The following CC2D2A variants were observed in gnomAD, a reference collection of about 807,000 sequenced individuals.
The protein encoded by CC2D2A is coiled-coil and C2 domain containing 2A, also known as coiled-coil and C2 domain-containing protein 2A.
In CC2D2A, 155 loss-of-function variants were observed where a neutral mutation model predicts 212.9. That is an observed-to-expected ratio of 0.73 (90% CI 0.64 to 0.83). The LOEUF (loss-of-function observed/expected upper bound fraction) is 0.83, where lower values mean the gene tolerates loss of function less well. CC2D2A is among the 40% of genes least tolerant of loss of function. The pLI is 0.00. For synonymous variants in CC2D2A, 667 were observed against 686.5 expected, an observed-to-expected ratio of 0.97 and a Z score of 0.44; for missense variants, 1,856 against 1,956.2, an observed-to-expected ratio of 0.95 and a Z score of 0.97.
chr4:15,508,048 C>T (rs554047955), intron 6 of CC2D2A, among the ~76,000 whole-genome samples: 1 of 152,178 alleles, frequency 6.6e-6, no homozygotes, highest in Non-Finnish European at 1.5e-5. Context: ...GAGGCTTCTT[C>T]TTCAGTTCAG....
chr4:15,514,950 G>T (rs1333780657), intron 9 of CC2D2A, 81 bp downstream of exon 9: 3 of 1,243,032 alleles, frequency 2.4e-6, no homozygotes, highest in Non-Finnish European at 3.4e-6. Flanking sequence ...GTATAAGGAT[G>T]CCTCATCTCC....
chr4:15,543,401 G>A (rs1718558717), intron 17 of CC2D2A, among the ~76,000 whole-genome samples: 3 of 152,088 alleles, frequency 2.0e-5, no homozygotes, highest in Non-Finnish European at 4.4e-5. Context: ...AGTAGAAAAT[G>A]GTTTTAGAAA....
At chr4:15,474,969 G>A (rs1046381429) in intron 1 of CC2D2A, among the ~76,000 whole-genome samples, 1 of 152,196 alleles carries the variant, frequency 6.6e-6, no homozygotes, top group Non-Finnish European at 1.5e-5. Flanking sequence ...AGAAAGAGAA[G>A]TAAAGTTAAG....
chr4:15,519,976 G>A (rs1028375442), intron 11 of CC2D2A: 1 of 163,876 alleles, frequency 6.1e-6, no homozygotes, highest in African/African-American at 2.4e-5. Flanking sequence ...GAAACAGAAT[G>A]GGGTGGGTAT....
chr4:15,514,859 T>G lies in CC2D2A; in HGVS notation c.870T>G (p.Ser290Arg). 1.9e-6 allele frequency: 3 copies of G among 1,613,734 alleles called. No individual in the cohort carries two copies. The highest frequency in any genetic ancestry group is 2.2e-5 in the South Asian group (2 of 91,050). ...AAAGAGAAATGCTCTTCATACCCAG[T>G]AGGCAGACAGGTACTTGCTCTTTTT... is the stretch of plus-strand genomic sequence containing the variant. ...QMEREMLFIP[S>R]RQTVPTYKKL... Residue 290 changes from serine (S) to arginine (R), a missense_variant, in exon 9 of 37, where the codon AGT becomes AGG. Ser to Arg is a moderately radical substitution (Grantham distance 110). Around this residue, in one of 5 missense-constraint regions of CC2D2A, gnomAD observed 1,512 missense variants for 1,579.3 expected, o/e 0.96. Transcript: ENST00000424120.
At chr4:15,562,259 G>C (rs927095159) in intron 23 of CC2D2A, among the ~76,000 whole-genome samples, 1 of 152,248 alleles carries the variant, frequency 6.6e-6, no homozygotes, top group African/African-American at 2.4e-5. Context: ...CTGATCCTCA[G>C]GAAGGAAGCA....
chr4:15,481,139 T>C, intron 4 of CC2D2A: 1 of 466,996 alleles, frequency 2.1e-6, no homozygotes, highest in Non-Finnish European at 4.3e-6. Context: ...GCACAACTCA[T>C]GAATTGGTTG....
intron 20 of CC2D2A, among the ~76,000 whole-genome samples, chr4:15,555,537 G>A (rs1234742739): frequency 1.3e-5 from 2 of 152,182 alleles, no homozygotes; most frequent in East Asian, 1.9e-4. Flanking sequence ...CCAAGAGTTC[G>A]AAACCAGTCT....
rs115319989 is a variant in CC2D2A, at chr4:15,505,469, T to A, written c.438+2546T>A. Among the ~76,000 whole-genome samples the A allele has an allele frequency of 6.5e-3, 992 of 152,244 alleles. 5 individuals carry two copies. Among genetic ancestry groups the A allele is most frequent in the Non-Finnish European group, 9.6e-3 (656 of 68,002 alleles). On this transcript the variant is annotated intron_variant, in intron 6 of 36. Transcript: ENST00000424120. ...TTACCTGTTGCCCAGCCAGCACTTA[T>A]GAGAAACTCCTTCCTGCCAGGTGTC...
At chr4:15,491,641 G>T (rs1715308095) in intron 4 of CC2D2A, among the ~76,000 whole-genome samples, 1 of 152,222 alleles carries the variant, frequency 6.6e-6, no homozygotes, top group Non-Finnish European at 1.5e-5. Context: ...CTGACCTCAA[G>T]TGACCCAACC....
In CC2D2A at chr4:15,559,248, C is replaced by T. The variant is rs1458756396; in HGVS notation, c.2913C>T (p.Tyr971=). ...IDTHRAIVAK[Y]LQQVRESVIN... ...CCCATAGGGCCATAGTAGCCAAGTA[C>T]CTCCAGCAGGTAAGAAAAATCATAT... The change falls in exon 22 of 37, where the codon TAC becomes TAT. Residue 971 remains tyrosine, a synonymous_variant. Coordinates refer to ENST00000424120, the MANE Select transcript of CC2D2A (RefSeq NM_001378615.1). 6.5e-7 allele frequency: 1 copy of T among 1,547,592 alleles called. No individual in the cohort carries two copies. The highest frequency in any genetic ancestry group is 2.4e-5 in the East Asian group (1 of 40,962).
chr4:15,561,934 A>G (rs1293413803), intron 23 of CC2D2A, among the ~76,000 whole-genome samples: 6 of 152,238 alleles, frequency 3.9e-5, no homozygotes, highest in Non-Finnish European at 8.8e-5. Flanking sequence ...TCAGCAAATC[A>G]TAACACCTCT....
intron 36 of CC2D2A, 145 bp downstream of exon 36, chr4:15,599,851 A>AT: frequency 1.9e-6 from 1 of 530,180 alleles, no homozygotes; most frequent in Non-Finnish European, 3.2e-6. Context: ...AACTGTGATC[A>AT]TAAGTTTTAA....
intron 8 of CC2D2A, 31 bp downstream of exon 8, chr4:15,511,454 G>A: frequency 2.7e-6 from 4 of 1,477,434 alleles, no homozygotes; most frequent in Non-Finnish European, 2.7e-6. Flanking sequence ...AATGAGGTGT[G>A]GGTGGAGGGC....
intron 30 of CC2D2A, among the ~76,000 whole-genome samples, chr4:15,581,841 A>G (rs1720676864): frequency 6.6e-6 from 1 of 152,218 alleles, no homozygotes; most frequent in South Asian, 2.1e-4. Context: ...TAAATACCAC[A>G]AATATTCCTA....
intron 4 of CC2D2A, among the ~76,000 whole-genome samples, chr4:15,487,852 A>G (rs1179950882): frequency 3.3e-5 from 5 of 151,058 alleles, no homozygotes; most frequent in Non-Finnish European, 7.4e-5. Flanking sequence ...GCTTGCAAAT[A>G]ACATCTTATA....
intron 2 of CC2D2A, among the ~76,000 whole-genome samples, chr4:15,476,519 A>T (rs577187883): frequency 2.6e-5 from 4 of 152,360 alleles, no homozygotes; most frequent in African/African-American, 9.6e-5. Context: ...GACGTGGTGG[A>T]GAAGGGGAGG....
Position 15,557,466 on chromosome 4 carries a change from G to A in CC2D2A, c.2788G>A (p.Val930Ile). 1 of 1,612,118 alleles carries A rather than the reference G, an allele frequency of 6.2e-7. No individual in the cohort carries two copies. The highest frequency in any genetic ancestry group is 8.5e-7 in the Non-Finnish European group (1 of 1,179,118). The change falls in exon 21 of 37, where the codon GTT becomes ATT. Residue 930 changes from valine to isoleucine, a missense_variant. Around this residue, in one of 5 missense-constraint regions of CC2D2A, gnomAD observed 1,512 missense variants for 1,579.3 expected, o/e 0.96. Coordinates refer to ENST00000424120, the MANE Select transcript of CC2D2A (RefSeq NM_001378615.1). ...EVPEFRNYKQVPVYDREIMEK... is the reference protein window; with the variant it reads ...EVPEFRNYKQIPVYDREIMEK... ...GCCAGAATTCCGAAATTATAAGCAA[G>A]TTCCAGTCTATGACCGAGAAATTAT...
intron 24 of CC2D2A, among the ~76,000 whole-genome samples, chr4:15,565,506 T>A (rs1719841950): frequency 6.6e-6 from 1 of 151,946 alleles, no homozygotes. Flanking sequence ...TGTGTCTGCC[T>A]TCCAGTCTAG....
Sources: gnomAD v4.1 joint callset for allele counts (sites outside exome capture counted in the v4.1 genomes callset) on GRCh38, gnomAD v4.1.1 for gene constraint, gnomAD v4.1.1 regional missense constraint, MANE v1.5 for transcripts, NCBI Gene and HGNC (gene_info 2026-07-23, HGNC 2026-07-21) for gene names.